The following MYRFL variants were observed in gnomAD, a reference collection of about 807,000 sequenced individuals.
The protein encoded by MYRFL is myelin regulatory factor like.
In MYRFL, 88 loss-of-function variants were observed where a neutral mutation model predicts 109.4. The ratio of observed to expected loss-of-function variants is 0.80; its 90% CI spans 0.68 to 0.96. The LOEUF (loss-of-function observed/expected upper bound fraction) is 0.96. Among genes scored for constraint, MYRFL ranks in the 40% least tolerant of loss-of-function variants. The pLI is 0.00. For synonymous variants in MYRFL, 324 were observed against 320.9 expected, an observed-to-expected ratio of 1.01 and a Z score of -0.10; for missense variants, 957 against 954.9, an observed-to-expected ratio of 1.00 and a Z score of -0.03.
At chr12:69,843,423 A>G (rs1460854641) in intron 1 of MYRFL, among the ~76,000 whole-genome samples, 4 of 152,238 alleles carry the variant, frequency 2.6e-5, no homozygotes, top group Non-Finnish European at 2.9e-5. Flanking sequence ...ACCAAGTGTG[A>G]AAGAATAAAT....
In MYRFL at chr12:69,851,252, T is replaced by G. The variant is rs536834511; in HGVS notation, c.47-4028T>G. ...GAAAAAATTGTCTATAAATGCTTAT[T>G]ACCTGGATGATGGGATCTATACTTT... On this transcript the variant is annotated intron_variant, in intron 1 of 24. Coordinates refer to ENST00000552032, the MANE Select transcript of MYRFL (RefSeq NM_182530.3). Among the ~76,000 whole-genome samples the G allele has an allele frequency of 3.9e-5, 6 of 152,152 alleles. No individual in the cohort carries two copies. The South Asian group carries it at 8.3e-4, about 21-fold the overall frequency.
intron 2 of MYRFL, among the ~76,000 whole-genome samples, chr12:69,855,732 G>A (rs2136322546): frequency 6.6e-6 from 1 of 151,258 alleles, no homozygotes; most frequent in African/African-American, 2.4e-5. Context: ...TTTAATGTCT[G>A]TAGGATCTAT....
intron 1 of MYRFL, among the ~76,000 whole-genome samples, chr12:69,853,001 C>A (rs530023395): frequency 6.6e-6 from 1 of 152,204 alleles, no homozygotes; most frequent in Non-Finnish European, 1.5e-5. Flanking sequence ...ACACAGACAC[C>A]GTAACATCTG....
At chr12:69,879,551 T>C (rs908708340) in intron 4 of MYRFL, 98 bp downstream of exon 4, 4 of 608,850 alleles carry the variant, frequency 6.6e-6, no homozygotes, top group East Asian at 5.5e-5. Context: ...AGTGGAGTCC[T>C]GTCCAGGAGA....
rs376310744 is a variant in MYRFL, at chr12:69,899,612, G to A, written c.1182+2366G>A. 2.4e-4 allele frequency among the ~76,000 whole-genome samples: 36 copies of A among 152,304 alleles called. No individual in the cohort carries two copies. The South Asian group carries it at 6.6e-3, about 28-fold the overall frequency. On this transcript the variant is annotated intron_variant, in intron 10 of 24. Transcript: ENST00000552032. The stretch of plus-strand genomic sequence containing the variant: ...TTAAGCAAATCCAGACTTGTTCTGT[G>A]GCCTAAGAACCACTTGTCCTAATGG...
intron 2 of MYRFL, among the ~76,000 whole-genome samples, chr12:69,856,810 G>C (rs1460098089): frequency 6.6e-6 from 1 of 151,814 alleles, no homozygotes; most frequent in Non-Finnish European, 1.5e-5. Flanking sequence ...TGTTAGATAT[G>C]TTATTCATGA....
At chr12:69,900,758 T>C (rs565267273) in intron 10 of MYRFL, among the ~76,000 whole-genome samples, 2 of 152,344 alleles carry the variant, frequency 1.3e-5, no homozygotes, top group African/African-American at 4.8e-5. Flanking sequence ...TAACTCAGCA[T>C]AGCCTTCAAA....
At chr12:69,924,674 G>C (rs575155531) in intron 13 of MYRFL, among the ~76,000 whole-genome samples, 34 of 152,286 alleles carry the variant, frequency 2.2e-4, no homozygotes, top group Admixed American at 1.8e-3. Context: ...TTATCAATTT[G>C]TTATTTGGAT....
At chr12:69,833,828 C>CTTTTTTT (rs11300053) in intron 1 of MYRFL, among the ~76,000 whole-genome samples, 3 of 113,894 alleles carry the variant, frequency 2.6e-5, no homozygotes, top group Non-Finnish European at 3.5e-5. Flanking sequence ...ATAGGGCTTG[C>CTTTTTTT]TTTTTTTTTT....
intron 19 of MYRFL, among the ~76,000 whole-genome samples, chr12:69,949,576 G>A (rs1029665353): frequency 4.0e-5 from 6 of 151,858 alleles, no homozygotes; most frequent in Admixed American, 6.6e-5. Flanking sequence ...GGCCACATGC[G>A]GCCCAGGACG....
At chr12:69,830,499 C>A (rs1006823783) in intron 1 of MYRFL, among the ~76,000 whole-genome samples, 106 of 145,650 alleles carry the variant, frequency 7.3e-4, no homozygotes, top group East Asian at 2.2e-3. Context: ...ATATATATAT[C>A]TCTGTGGGAT....
intron 13 of MYRFL, 63 bp downstream of exon 13, chr12:69,910,993 G>C (rs1954549647): frequency 8.5e-7 from 1 of 1,171,306 alleles, no homozygotes; most frequent in Non-Finnish European, 1.2e-6. Flanking sequence ...CCCCTTCTGT[G>C]ATAGCACAAT....
intron 16 of MYRFL, 21 bp from the exon 17 acceptor site, chr12:69,936,092 T>TG (rs1326214378): frequency 1.4e-6 from 2 of 1,399,198 alleles, no homozygotes; most frequent in Non-Finnish European, 1.9e-6. Context: ...TTTTTTTTTT[T>TG]TTTTTTTTTT....
At chr12:69,876,663 G>A (rs1885681938) in intron 2 of MYRFL, among the ~76,000 whole-genome samples, 1 of 152,188 alleles carries the variant, frequency 6.6e-6, no homozygotes, top group Admixed American at 6.5e-5. Context: ...AGTGATGAAG[G>A]AGGGGATGGC....
rs192981596 is a variant in MYRFL, at chr12:69,882,323, A to G, written c.556+2031A>G. Among the ~76,000 whole-genome samples the G allele has an allele frequency of 2.3e-3, 345 of 152,310 alleles. 1 individual carries two copies. The highest frequency in any genetic ancestry group is 7.3e-3 in the African/African-American group (305 of 41,536). On this transcript the variant is annotated intron_variant, in intron 5 of 24. Transcript: ENST00000552032. ...AAAAAAGAAAAAAGAAAGAAAGAAA[A>G]AAAAGACACAAAACAAAACATTTAG...
intron 1 of MYRFL, among the ~76,000 whole-genome samples, chr12:69,846,274 G>A (rs1458781102): frequency 1.3e-5 from 2 of 151,088 alleles, no homozygotes; most frequent in Non-Finnish European, 2.9e-5. Context: ...GTGCCATGCT[G>A]GTGTGCTGCA....
At chr12:69,924,165 G>T (rs1452422923) in intron 13 of MYRFL, among the ~76,000 whole-genome samples, 1 of 145,480 alleles carries the variant, frequency 6.9e-6, no homozygotes, top group Non-Finnish European at 1.5e-5. Flanking sequence ...CTCCAGCCTG[G>T]GTGACACAGC....
At chr12:69,849,068 C>T (rs1038736814) in intron 1 of MYRFL, among the ~76,000 whole-genome samples, 1 of 152,132 alleles carries the variant, frequency 6.6e-6, no homozygotes, top group African/African-American at 2.4e-5. Context: ...GACAGGGTTT[C>T]ACCATGTTTG....
Position 69,879,394 on chromosome 12 carries a change from G to C in MYRFL, c.405G>C (p.Val135=). The change falls in exon 4 of 25, where the codon GTG becomes GTC. Residue 135 remains valine, a synonymous_variant. Coordinates refer to ENST00000552032, the MANE Select transcript of MYRFL (RefSeq NM_182530.3). ...SHLATPLDQS[V]SSHLGIGCSY... ...TTGCCACCCCCCTGGACCAATCCGT[G>C]TCCTCCCATCTGGGGATAGGTTGTT... 2.8e-6 allele frequency: 2 copies of C among 702,902 alleles called. No homozygotes were observed. Among genetic ancestry groups the C allele is most frequent in the Non-Finnish European group, 5.2e-6 (2 of 384,846 alleles). 43.5% of individuals were successfully genotyped at this position (702,902 alleles called of 1,614,324 possible).
Sources: allele counts gnomAD v4.1 joint callset (sites outside exome capture counted in the v4.1 genomes callset), GRCh38; gene constraint gnomAD v4.1.1; transcripts MANE v1.5; gene names NCBI Gene and HGNC (gene_info 2026-07-23, HGNC 2026-07-21).